Variants in TPRG1 observed in about 807,000 individuals in gnomAD.
TPRG1 encodes the protein tumor protein p63-regulated gene 1 protein.
TPRG1 carries 29 observed loss-of-function variants against 29.3 expected under a neutral mutation model. The ratio of observed to expected loss-of-function variants is 0.99; its 90% CI spans 0.74 to 1.35. The LOEUF (loss-of-function observed/expected upper bound fraction) is 1.35. Among genes scored for constraint, TPRG1 ranks in the 40% most tolerant of loss-of-function variants. TPRG1 has a pLI of 0.00. For missense variants in TPRG1, 327 were observed against 335.0 expected (o/e 0.98, Z 0.19); for synonymous variants, 130 against 116.8 (o/e 1.11, Z -0.73).
chr3:189,022,979 G>C (rs910884226), intron 3 of TPRG1, among the ~76,000 whole-genome samples: 6 of 151,998 alleles, frequency 3.9e-5, no homozygotes, highest in Middle Eastern at 3.4e-3. Flanking sequence ...GGGTGGGAGC[G>C]ACCCGATTTT....
chr3:189,192,406 A>G (rs1477805713), intron 1 of TPRG1, among the ~76,000 whole-genome samples: 1 of 152,218 alleles, frequency 6.6e-6, no homozygotes, highest in Non-Finnish European at 1.5e-5. Context: ...ATACCATAGT[A>G]AATAAAACCT....
At chr3:189,115,176 G>A (rs772916879) in intron 1 of TPRG1, among the ~76,000 whole-genome samples, 17 of 152,192 alleles carry the variant, frequency 1.1e-4, no homozygotes, top group African/African-American at 3.6e-4. Flanking sequence ...AAGGAAGAAG[G>A]CATTTTCTAT....
At chr3:189,041,452 T>A (rs1482391528) in intron 4 of TPRG1, among the ~76,000 whole-genome samples, 2 of 152,170 alleles carry the variant, frequency 1.3e-5, no homozygotes, top group Non-Finnish European at 2.9e-5. Flanking sequence ...ATTTAACAAC[T>A]CTGAGCCTCT....
Position 189,215,350 on chromosome 3 carries a change from G to A in TPRG1, c.269G>A (p.Gly90Glu). 2 of 1,612,534 alleles carry A rather than the reference G, an allele frequency of 1.2e-6. No homozygotes were observed. The highest frequency in any genetic ancestry group is 1.7e-6 in the Non-Finnish European group (2 of 1,179,358). Residue 90 changes from glycine to glutamate, a missense_variant, in exon 3 of 6, where the codon GGA (glycine) becomes GAA (glutamate). By Grantham distance (98) the Gly-to-Glu change is moderately conservative. Coordinates refer to ENST00000345063, the MANE Select transcript of TPRG1 (RefSeq NM_198485.4). Reference sequence around the variant, plus strand: ...AAAGGTCACGTAGCTGAGACTTCTGGAGAGACCATTCAAGGCTTCTGGCTC... The same window carrying A: ...AAAGGTCACGTAGCTGAGACTTCTGAAGAGACCATTCAAGGCTTCTGGCTC... ...DLKGHVAETS[G>E]ETIQGFWLLT...
At chr3:189,179,886 A>G (rs1036585914) in intron 1 of TPRG1, among the ~76,000 whole-genome samples, 7 of 152,198 alleles carry the variant, frequency 4.6e-5, no homozygotes, top group African/African-American at 2.4e-5. Flanking sequence ...ATCTACAACC[A>G]TATTAGTCCT....
intron 4 of TPRG1, among the ~76,000 whole-genome samples, chr3:189,043,680 G>A (rs1714780124): frequency 6.6e-6 from 1 of 152,088 alleles, no homozygotes; most frequent in South Asian, 2.1e-4. Flanking sequence ...TAGGCACTGC[G>A]ATGGCACTGG....
intron 5 of TPRG1, among the ~76,000 whole-genome samples, chr3:189,311,697 C>T (rs1376048717): frequency 6.6e-6 from 1 of 152,156 alleles, no homozygotes; most frequent in Non-Finnish European, 1.5e-5. Context: ...GTCCCTCAGG[C>T]TCCAAGCTGT....
chr3:189,138,801 G>A (rs1486457349), intron 3 of TPRG1, among the ~76,000 whole-genome samples: 1 of 152,158 alleles, frequency 6.6e-6, no homozygotes, highest in Non-Finnish European at 1.5e-5. Flanking sequence ...GAGAGCATGA[G>A]GGCTTTATGC....
At chr3:189,105,742 A>G (rs1719742863) in intron 1 of TPRG1, among the ~76,000 whole-genome samples, 1 of 152,154 alleles carries the variant, frequency 6.6e-6, no homozygotes, top group Non-Finnish European at 1.5e-5. Context: ...AGCCTACGGA[A>G]TAGAGGGTGT....
At chr3:189,089,132 A>G (rs2152177982) in intron 4 of TPRG1, among the ~76,000 whole-genome samples, 1 of 152,276 alleles carries the variant, frequency 6.6e-6, no homozygotes, top group African/African-American at 2.4e-5. Flanking sequence ...AACAGTCTAT[A>G]GTTTGATATC....
chr3:189,018,570 G>A (rs1343201963), intron 3 of TPRG1, among the ~76,000 whole-genome samples: 3 of 133,996 alleles, frequency 2.2e-5, no homozygotes, highest in Non-Finnish European at 4.8e-5. Flanking sequence ...TGAGGGCTCT[G>A]TTCTGTTCCA....
intron 1 of TPRG1, among the ~76,000 whole-genome samples, chr3:189,102,848 T>TG (rs1379132497): frequency 6.6e-6 from 1 of 152,180 alleles, no homozygotes. Context: ...TGCCCAATCA[T>TG]GGGGAACTTC....
At chr3:189,196,810 T>G (rs937303411) in intron 1 of TPRG1, among the ~76,000 whole-genome samples, 4 of 152,272 alleles carry the variant, frequency 2.6e-5, no homozygotes, top group Admixed American at 6.5e-5. Flanking sequence ...AAGTGTTTAT[T>G]AATAAAAATT....
intron 4 of TPRG1, among the ~76,000 whole-genome samples, chr3:189,287,480 C>A (rs1718261476): frequency 6.6e-6 from 1 of 151,714 alleles, no homozygotes; most frequent in Admixed American, 6.6e-5. Context: ...TCACTGCAAG[C>A]TCCGCCTCCC....
intron 4 of TPRG1, among the ~76,000 whole-genome samples, chr3:189,091,659 A>G (rs1432758851): frequency 6.6e-6 from 1 of 152,186 alleles, no homozygotes; most frequent in Non-Finnish European, 1.5e-5. Context: ...CCTCCCCTGA[A>G]TAACAACTTC....
intron 4 of TPRG1, among the ~76,000 whole-genome samples, chr3:189,264,081 A>G (rs1489683311): frequency 6.6e-6 from 1 of 152,174 alleles, no homozygotes; most frequent in Non-Finnish European, 1.5e-5. Flanking sequence ...AAATAAGAAA[A>G]TTTGAATTCT....
At chr3:189,074,320 C>T (rs1197181590) in intron 4 of TPRG1, among the ~76,000 whole-genome samples, 3 of 150,830 alleles carry the variant, frequency 2.0e-5, no homozygotes, top group Non-Finnish European at 3.0e-5. Context: ...ATTTTCCTGC[C>T]TCAGCTTCTT....
chr3:189,226,940 A>G (rs1381096666), intron 3 of TPRG1, among the ~76,000 whole-genome samples: 1 of 152,048 alleles, frequency 6.6e-6, no homozygotes, highest in Admixed American at 6.6e-5. Context: ...AATTCTACAC[A>G]TATCAATTTG....
chr3:189,144,917 C>A (rs751917572), intron 3 of TPRG1, among the ~76,000 whole-genome samples: 4 of 152,142 alleles, frequency 2.6e-5, no homozygotes, highest in Admixed American at 6.5e-5. Flanking sequence ...ACTGGTTTCA[C>A]GGGCAGGTGA....
Sources: gnomAD v4.1 joint callset for allele counts (sites outside exome capture counted in the v4.1 genomes callset) on GRCh38, gnomAD v4.1.1 for gene constraint, MANE v1.5 for transcripts, NCBI Gene and HGNC (gene_info 2026-07-23, HGNC 2026-07-21) for gene names.